Variants in CACNA1E observed in about 807,000 individuals in gnomAD.
The protein encoded by CACNA1E is voltage-dependent R-type calcium channel subunit alpha-1E.
CACNA1E carries 40 observed loss-of-function variants against 259.2 expected under a neutral mutation model. The observed-to-expected ratio is 0.15, with a 90% confidence interval of 0.12 to 0.20. The LOEUF (loss-of-function observed/expected upper bound fraction) is 0.20. Among genes scored for constraint, CACNA1E ranks in the 10% least tolerant of loss-of-function variants. The pLI is 1.00. For synonymous variants in CACNA1E, 1,104 were observed against 1,138.5 expected, an observed-to-expected ratio of 0.97 and a Z score of 0.61; for missense variants, 1,874 against 3,040.1, an observed-to-expected ratio of 0.62 and a Z score of 9.02.
chr1:181,738,469 G>C, intron 24 of CACNA1E, 43 bp downstream of exon 24: 5 of 1,488,284 alleles, frequency 3.4e-6, no homozygotes, highest in Non-Finnish European at 4.7e-6. Flanking sequence ...GGTTTAGATG[G>C]GTCACCTGTC....
chr1:181,718,565 A>T (rs1182974330), intron 12 of CACNA1E, among the ~76,000 whole-genome samples: 1 of 149,190 alleles, frequency 6.7e-6, no homozygotes, highest in Admixed American at 6.7e-5. Context: ...TTGTTTTTCT[A>T]CTTCAGTTTA....
At chr1:181,519,016 G>A (rs1164136584) in intron 3 of CACNA1E, among the ~76,000 whole-genome samples, 1 of 152,174 alleles carries the variant, frequency 6.6e-6, no homozygotes, top group African/African-American at 2.4e-5. Flanking sequence ...TTATGGCAAG[G>A]TGCTTTCTAA....
intron 6 of CACNA1E, among the ~76,000 whole-genome samples, chr1:181,596,929 A>G (rs1026854603): frequency 2.0e-5 from 3 of 152,000 alleles, no homozygotes; most frequent in Admixed American, 1.3e-4. Context: ...AAAAGGAGGA[A>G]GGAGATGCTC....
intron 6 of CACNA1E, among the ~76,000 whole-genome samples, chr1:181,641,727 TTTTTG>T (rs1657794522): frequency 6.9e-6 from 1 of 144,820 alleles, no homozygotes; most frequent in African/African-American, 2.7e-5. Flanking sequence ...TTTTTTTTTT[TTTTTG>T]AGACAGAGTC....
At chr1:181,549,803 A>G (rs577165060) in intron 3 of CACNA1E, among the ~76,000 whole-genome samples, 1 of 152,326 alleles carries the variant, frequency 6.6e-6, no homozygotes, top group Non-Finnish European at 1.5e-5. Flanking sequence ...GGAGAACGGC[A>G]TGCATGTCAC....
At chr1:181,582,284 TCACCA>T (rs1651618643) in intron 6 of CACNA1E, among the ~76,000 whole-genome samples, 1 of 152,216 alleles carries the variant, frequency 6.6e-6, no homozygotes, top group African/African-American at 2.4e-5. Context: ...TCTGCAGTTC[TCACCA>T]GCTGTGGGAG....
At chr1:181,741,481 G>C (rs6424820) in intron 25 of CACNA1E, among the ~76,000 whole-genome samples, 128,372 of 152,232 alleles carry the variant, frequency 0.84, 54,237 homozygotes, top group South Asian at 0.9. Context: ...AATATAGGAG[G>C]AAGTACATAT....
chr1:181,757,887 G>A, intron 30 of CACNA1E, 60 bp from the exon 31 acceptor site: 2 of 1,565,906 alleles, frequency 1.3e-6, no homozygotes, highest in African/African-American at 1.3e-5. Context: ...ATGGAACAGA[G>A]CCTGCCATGG....
intron 10 of CACNA1E, among the ~76,000 whole-genome samples, chr1:181,716,543 C>T (rs967441036): frequency 1.3e-5 from 2 of 152,190 alleles, no homozygotes; most frequent in Non-Finnish European, 2.9e-5. Flanking sequence ...CAGTAGCCCC[C>T]ACCTACTTCC....
rs77757639 is a variant in CACNA1E, at chr1:181,578,162, A to G, written c.616+293A>G. 0.14 allele frequency among the ~76,000 whole-genome samples: 20,925 copies of G among 152,254 alleles called. 1,870 individuals are homozygous for G. The highest frequency in any genetic ancestry group is 0.25 in the African/African-American group (10,268 of 41,520). ...AGAAATCACTTTTGTTAAAATTTCA[A>G]TATTTTTCATTTTTCCCCTGTGCAT... On this transcript the variant is annotated intron_variant, in intron 4 of 47. Transcript: ENST00000367573.
At chr1:181,783,090 G>C (rs1411537009) in intron 39 of CACNA1E, among the ~76,000 whole-genome samples, 1 of 152,120 alleles carries the variant, frequency 6.6e-6, no homozygotes, top group Non-Finnish European at 1.5e-5. Context: ...TGTCCATCCT[G>C]CTCCACCTCA....
chr1:181,557,681 C>A (rs1384435636), intron 3 of CACNA1E, among the ~76,000 whole-genome samples: 1 of 152,218 alleles, frequency 6.6e-6, no homozygotes, highest in Non-Finnish European at 1.5e-5. Flanking sequence ...CTTTCTCAAC[C>A]ACTGCTGGGA....
intron 3 of CACNA1E, among the ~76,000 whole-genome samples, chr1:181,524,142 C>CT (rs544409683): frequency 6.2e-4 from 95 of 152,332 alleles, no homozygotes; most frequent in African/African-American, 2.1e-3. Flanking sequence ...ATTCCTAACT[C>CT]TTTTCCTTTT....
intron 6 of CACNA1E, among the ~76,000 whole-genome samples, chr1:181,587,295 T>C (rs886689630): frequency 2.6e-5 from 4 of 152,096 alleles, no homozygotes; most frequent in South Asian, 2.1e-4. Context: ...AGGAAATGCA[T>C]TGGGTTGCTG....
At chr1:181,642,489 C>T (rs540013599) in intron 6 of CACNA1E, among the ~76,000 whole-genome samples, 1 of 152,264 alleles carries the variant, frequency 6.6e-6, no homozygotes, top group South Asian at 2.1e-4. Context: ...GGGCACTGCA[C>T]AAAACGTTCA....
At chr1:181,611,642 G>GA (rs961225129) in intron 6 of CACNA1E, among the ~76,000 whole-genome samples, 8 of 152,094 alleles carry the variant, frequency 5.3e-5, no homozygotes, top group African/African-American at 1.9e-4. Flanking sequence ...TATCCCACTA[G>GA]ATAATTTGTA....
At chr1:181,641,622 C>T (rs1657753010) in intron 6 of CACNA1E, among the ~76,000 whole-genome samples, 1 of 151,546 alleles carries the variant, frequency 6.6e-6, no homozygotes, top group South Asian at 2.1e-4. Flanking sequence ...TGGTCTTAAC[C>T]TTCAGAGGAA....
intron 6 of CACNA1E, among the ~76,000 whole-genome samples, chr1:181,623,852 T>C (rs1412019196): frequency 1.3e-5 from 2 of 152,222 alleles, no homozygotes; most frequent in African/African-American, 2.4e-5. Context: ...ATCTGAGTAG[T>C]GGTTGCTGAA....
intron 7 of CACNA1E, among the ~76,000 whole-genome samples, chr1:181,658,069 G>A (rs1487521823): frequency 1.3e-5 from 2 of 152,200 alleles, no homozygotes; most frequent in African/African-American, 4.8e-5. Flanking sequence ...TCCTAAGTGT[G>A]TATATATTTT....
Sources: gnomAD v4.1 joint callset for allele counts (sites outside exome capture counted in the v4.1 genomes callset) on GRCh38, gnomAD v4.1.1 for gene constraint, MANE v1.5 for transcripts, NCBI Gene and HGNC (gene_info 2026-07-23, HGNC 2026-07-21) for gene names.